The following PRKG2 variants were observed in gnomAD, a reference collection of about 807,000 sequenced individuals.
PRKG2 encodes cGMP-dependent protein kinase 2.
In PRKG2, 33 loss-of-function variants were observed where a neutral mutation model predicts 97.2. The observed-to-expected ratio is 0.34, with a 90% CI of 0.26 to 0.45. PRKG2 has a LOEUF of 0.45. Among genes scored for constraint, PRKG2 ranks in the 20% least tolerant of loss-of-function variants. The pLI, the probability that PRKG2 is intolerant of heterozygous loss-of-function variation, is 1.00. For missense variants in PRKG2, 638 were observed against 900.0 expected, an observed-to-expected ratio of 0.71 and a Z score of 3.73; for synonymous variants, 330 against 321.8, an observed-to-expected ratio of 1.03 and a Z score of -0.27.
intron 6 of PRKG2, among the ~76,000 whole-genome samples, chr4:81,159,068 A>C (rs1386131083): frequency 2.0e-5 from 3 of 152,206 alleles, no homozygotes; most frequent in South Asian, 2.1e-4. Context: ...TTCATGTCTA[A>C]AACACCAAAA....
chr4:81,217,375 T>C (rs1754316169), upstream of PRKG2, among the ~76,000 whole-genome samples: 1 of 152,176 alleles, frequency 6.6e-6, no homozygotes, highest in African/African-American at 2.4e-5. Context: ...CAGTGCAGGC[T>C]GTTGCCCAGG....
chr4:81,123,011 AT>A, intron 14 of PRKG2, among the ~76,000 whole-genome samples: 1 of 152,314 alleles, frequency 6.6e-6, no homozygotes, highest in South Asian at 2.1e-4. Context: ...GTCCCAGTAT[AT>A]GATCAAATTT....
chr4:81,145,303 A>G (rs916409674), intron 9 of PRKG2, among the ~76,000 whole-genome samples: 1 of 152,186 alleles, frequency 6.6e-6, no homozygotes. Flanking sequence ...GAACAGCCTT[A>G]CATGATGTGT....
At chr4:81,098,632 T>G (rs1317099287) in intron 17 of PRKG2, among the ~76,000 whole-genome samples, 1 of 152,110 alleles carries the variant, frequency 6.6e-6, no homozygotes, top group East Asian at 1.9e-4. Flanking sequence ...AATACTGTTG[T>G]GTCTCAGGAA....
At chr4:81,193,394 G>C (rs1752713365) in intron 2 of PRKG2, 1 of 152,026 alleles carries the variant, frequency 6.6e-6, no homozygotes, top group African/African-American at 2.4e-5. Context: ...GAGTCTACAG[G>C]TCACAGATTT....
At chr4:81,206,453 T>C (rs1753659227) in intron 1 of PRKG2, among the ~76,000 whole-genome samples, 1 of 152,178 alleles carries the variant, frequency 6.6e-6, no homozygotes, top group Non-Finnish European at 1.5e-5. Context: ...GCTTTTCCTT[T>C]GCCTTCCGCC....
Position 81,138,666 on chromosome 4 carries a change from T to C in PRKG2, c.1545-1184A>G, listed in dbSNP as rs576766437. Among the ~76,000 whole-genome samples the C allele has an allele frequency of 1.0e-3, 154 of 151,870 alleles. 1 individual carries two copies. Among genetic ancestry groups the C allele is most frequent in the African/African-American group, 3.5e-3 (145 of 41,132 alleles). On this transcript the variant is annotated intron_variant, in intron 12 of 18. Coordinates refer to ENST00000264399, the MANE Select transcript of PRKG2 (RefSeq NM_006259.3). ...ATAGCTTAGAACAGCACCTGGTGTA[T>C]GTTAATTTCTCAATAAATGTTGTCA... is the stretch of plus-strand genomic sequence containing the variant.
rs765744804 is a variant in PRKG2, at chr4:81,110,444, A to G, written c.1940+4T>C. 2.5e-6 allele frequency: 4 copies of G among 1,610,700 alleles called. No individual in the cohort carries two copies. Among genetic ancestry groups the G allele is most frequent in the East Asian group, 4.5e-5 (2 of 44,846 alleles). On this transcript the variant is annotated splice_donor_region_variant and intron_variant, in intron 15 of 18. Transcript: ENST00000264399. ...GTGGCTGCATAAAACTTGAAGGTAC[A>G]TACTTGCCCGTTAGGAGCTCATACA...
intron 17 of PRKG2, among the ~76,000 whole-genome samples, chr4:81,100,134 C>G (rs1158555546): frequency 6.6e-6 from 1 of 151,620 alleles, no homozygotes; most frequent in Non-Finnish European, 1.5e-5. Flanking sequence ...AATGGCCATA[C>G]TGCCCAAGGT....
chr4:81,091,191 A>G (rs977760884), intron 18 of PRKG2, among the ~76,000 whole-genome samples: 1 of 152,176 alleles, frequency 6.6e-6, no homozygotes, highest in Admixed American at 6.5e-5. Flanking sequence ...CCCAAACTTT[A>G]TAAGTGGCAG....
At chr4:81,098,595 T>C (rs1310372676) in intron 17 of PRKG2, among the ~76,000 whole-genome samples, 1 of 152,120 alleles carries the variant, frequency 6.6e-6, no homozygotes, top group Non-Finnish European at 1.5e-5. Flanking sequence ...TAGAGGCCAT[T>C]GTAGGGTTAT....
chr4:81,156,500 C>A lies in PRKG2; in HGVS notation c.913-2779G>T, dbSNP rs28882451. On this transcript the variant is annotated intron_variant, in intron 6 of 18. Transcript: ENST00000264399. Reference sequence around the variant, plus strand: ...ATAATGGGAGACTTTAACACCCCACCGTCAACATTAGACAGATCAACGAGA... The same window carrying A: ...ATAATGGGAGACTTTAACACCCCACAGTCAACATTAGACAGATCAACGAGA... Among the ~76,000 whole-genome samples the A allele has an allele frequency of 7.2e-5, 11 of 152,042 alleles. No individual in the cohort carries two copies. In the East Asian group the frequency reaches 2.1e-3, roughly 29 times the overall value.
chr4:81,133,395 C>T (rs1455867474), intron 14 of PRKG2, among the ~76,000 whole-genome samples: 2 of 152,112 alleles, frequency 1.3e-5, no homozygotes, highest in Admixed American at 6.5e-5. Context: ...ATAAGTCCAA[C>T]GCTTGGTCTC....
rs1303741132 is a variant in PRKG2 at position 81,100,657 on chromosome 4, CA to C, written c.2126+3712del. On this transcript the variant is annotated intron_variant, in intron 17 of 18. Transcript: ENST00000264399. ...ATACCATTCAGGACATAGGCGTGGG[CA>C]AGGACTTCATGTCTAAAACACCAAA... Among the ~76,000 whole-genome samples, 8 of 152,116 alleles carry C rather than the reference CA, an allele frequency of 5.3e-5. No homozygotes were observed. In the East Asian group the frequency reaches 1.3e-3, roughly 26 times the overall value.
intron 16 of PRKG2, 144 bp downstream of exon 16, chr4:81,105,669 G>T: frequency 8.3e-7 from 1 of 1,209,614 alleles, no homozygotes; most frequent in Admixed American, 2.5e-5. Flanking sequence ...CTGCAAAACA[G>T]AAAATGACTT....
intron 14 of PRKG2, among the ~76,000 whole-genome samples, chr4:81,134,321 C>T (rs557127307): frequency 4.6e-4 from 70 of 152,070 alleles, no homozygotes; most frequent in African/African-American, 1.6e-3. Context: ...TAGTAACTGC[C>T]CATTAAATGC....
intron 6 of PRKG2, among the ~76,000 whole-genome samples, chr4:81,157,020 C>T (rs898533281): frequency 2.6e-5 from 4 of 152,076 alleles, no homozygotes; most frequent in Admixed American, 2.6e-4. Flanking sequence ...ATTAAAAGAA[C>T]TAGAAAAGCA....
intron 14 of PRKG2, among the ~76,000 whole-genome samples, chr4:81,111,733 G>C (rs567199185): frequency 1.5e-3 from 230 of 152,066 alleles, no homozygotes; most frequent in Non-Finnish European, 2.7e-3. Context: ...GCTACAGAAG[G>C]GCCCCTCATT....
intron 6 of PRKG2, among the ~76,000 whole-genome samples, chr4:81,156,503 C>A (rs912798887): frequency 2.8e-4 from 43 of 152,266 alleles, no homozygotes; most frequent in African/African-American, 9.6e-4. Context: ...ACCCCACCGT[C>A]AACATTAGAC....
Sources: gnomAD v4.1 joint callset for allele counts (sites outside exome capture counted in the v4.1 genomes callset) on GRCh38, gnomAD v4.1.1 for gene constraint, MANE v1.5 for transcripts, NCBI Gene and HGNC (gene_info 2026-07-23, HGNC 2026-07-21) for gene names.